The following STMP1 variants were observed in gnomAD, a reference collection of about 807,000 sequenced individuals.
STMP1 encodes the protein mitolamban.
In STMP1, 7 loss-of-function variants were observed where a neutral mutation model predicts 7.0. That is an observed-to-expected ratio of 1.01 (90% CI 0.57 to 1.89). The LOEUF (loss-of-function observed/expected upper bound fraction) is 1.89. Ranked by LOEUF, STMP1 falls within the 40% of genes most tolerant of loss-of-function variation. The pLI is 0.00. For synonymous variants in STMP1, 19 were observed against 18.4 expected (o/e 1.03, Z -0.08); for missense variants, 45 against 53.0 (o/e 0.85, Z 0.47).
rs750301602 is a variant in STMP1 at position 135,662,554 on chromosome 7, C to G, written c.-26C>G. 226 of 1,546,282 alleles carry G rather than the reference C, an allele frequency of 1.5e-4. 4 individuals are homozygous for G. The South Asian group carries it at 2.6e-3, about 18-fold the overall frequency. ...CGCGGAGCTGCTGCAGTCCTTCGCGCCCTCCTCGCCCTCCCCACCGACATC... is the reference window on the plus strand; with the variant it reads ...CGCGGAGCTGCTGCAGTCCTTCGCGGCCTCCTCGCCCTCCCCACCGACATC... On this transcript the variant is annotated 5_prime_UTR_variant, in exon 1 of 3. Transcript: ENST00000507606.
intron 1 of STMP1, among the ~76,000 whole-genome samples, chr7:135,662,903 C>A (rs941314066): frequency 2.6e-5 from 4 of 152,242 alleles, no homozygotes; most frequent in African/African-American, 9.6e-5. Flanking sequence ...TGTATTAAAG[C>A]TTGTGTGGTC....
rs763309230 is a variant in STMP1, at chr7:135,662,543, A to G, written c.-37A>G. On this transcript the variant is annotated 5_prime_UTR_variant, in exon 1 of 3. Coordinates refer to ENST00000507606, the MANE Select transcript of STMP1 (RefSeq NM_001130929.2). ...TCGGACCGGCCCGCGGAGCTGCTGC[A>G]GTCCTTCGCGCCCTCCTCGCCCTCC... 3.3e-5 allele frequency: 51 copies of G among 1,543,066 alleles called. No homozygotes were observed. The highest frequency in any genetic ancestry group is 4.3e-5 in the Non-Finnish European group (49 of 1,143,976).
chr7:135,667,436 C>G (rs778233450), intron 1 of STMP1, among the ~76,000 whole-genome samples: 7 of 152,160 alleles, frequency 4.6e-5, no homozygotes, highest in Admixed American at 6.6e-5. Flanking sequence ...GGTAATTGAA[C>G]TCCTGACCTC....
Position 135,674,287 on chromosome 7 carries a change from AC to A in STMP1, c.*125del, listed in dbSNP as rs929117380. ...CCTCAGCACTTCTCTTCTTTGCTAGACCCTGTGTTTTTTGCTTTAAAGCAAG... is the reference window on the plus strand; with the variant it reads ...CCTCAGCACTTCTCTTCTTTGCTAGACCTGTGTTTTTTGCTTTAAAGCAAG... On this transcript the variant is annotated 3_prime_UTR_variant, in exon 3 of 3. Coordinates refer to ENST00000507606, the MANE Select transcript of STMP1 (RefSeq NM_001130929.2). 2 of 774,034 alleles carry A rather than the reference AC, an allele frequency of 2.6e-6. No homozygotes were observed. The highest frequency in any genetic ancestry group is 4.0e-6 in the Non-Finnish European group (2 of 497,368). The allele number at this position is 774,034 out of a possible 1,614,324, so 47.9% of individuals were successfully genotyped here.
chr7:135,670,204 G>T (rs1336931635), intron 1 of STMP1, among the ~76,000 whole-genome samples: 1 of 152,214 alleles, frequency 6.6e-6, no homozygotes, highest in Non-Finnish European at 1.5e-5. Flanking sequence ...GAGAGGGTGT[G>T]ATAGTAATGC....
chr7:135,664,956 G>A (rs549155040), intron 1 of STMP1, among the ~76,000 whole-genome samples: 43 of 152,270 alleles, frequency 2.8e-4, no homozygotes, highest in Non-Finnish European at 2.6e-4. Context: ...CTGTGGTAGC[G>A]TGGGTGGGCT....
rs952032029 is a variant in STMP1 at position 135,674,110 on chromosome 7, A to T, written c.89A>T (p.Lys30Ile). ...TCAAAGATACCAAACCTGGCTAAAA[A>T]ACTTGAAGAAATTAAAAAGGACTTG... ...QNYDIPNLAK[K>I]LEEIKKDLDA... Residue 30 changes from lysine to isoleucine, a missense_variant, in exon 3 of 3, where the codon AAA becomes ATA. Transcript: ENST00000507606. 1 of 1,550,732 alleles carries T rather than the reference A, an allele frequency of 6.4e-7. No homozygotes were observed. Among genetic ancestry groups the T allele is most frequent in the African/African-American group, 1.4e-5 (1 of 72,984 alleles).
chr7:135,662,737 T>A (rs1795247906), intron 1 of STMP1, 143 bp downstream of exon 1: 1 of 938,018 alleles, frequency 1.1e-6, no homozygotes, highest in African/African-American at 1.7e-5. Context: ...GGTCGTCGCC[T>A]CGCAGGGCGG....
intron 2 of STMP1, among the ~76,000 whole-genome samples, chr7:135,673,497 A>T (rs1466587555): frequency 1.3e-5 from 2 of 151,798 alleles, no homozygotes; most frequent in Non-Finnish European, 2.9e-5. Context: ...AGGCTACATT[A>T]TGTCACATTT....
chr7:135,673,975 G>C, intron 2 of STMP1, 116 bp from the exon 3 acceptor site: 2 of 689,482 alleles, frequency 2.9e-6, no homozygotes, highest in Non-Finnish European at 5.0e-6. Flanking sequence ...CTATTTAGCA[G>C]ATCTCTTTTG....
chr7:135,669,024 G>A (rs1484703621), intron 1 of STMP1, among the ~76,000 whole-genome samples: 2 of 152,242 alleles, frequency 1.3e-5, no homozygotes, highest in African/African-American at 2.4e-5. Context: ...GCAAGGAGGA[G>A]CAAGTAACGT....
At chr7:135,673,631 T>G (rs1342741172) in intron 2 of STMP1, among the ~76,000 whole-genome samples, 1 of 152,152 alleles carries the variant, frequency 6.6e-6, no homozygotes, top group African/African-American at 2.4e-5. Flanking sequence ...TCACATGCAG[T>G]TATAAGGCTA....
chr7:135,662,514 AG>A lies in STMP1; in HGVS notation c.-64del. 6.7e-7 allele frequency: 1 copy of A among 1,498,686 alleles called. No individual in the cohort carries two copies. Among genetic ancestry groups the A allele is most frequent in the South Asian group, 1.2e-5 (1 of 81,492 alleles). The allele number at this position is 1,498,686 out of a possible 1,614,324, so 92.8% of individuals were successfully genotyped here. A position where few individuals can be genotyped will look rare whatever the true frequency, so the allele number is the denominator to read the frequency against. ...CCGCCCCCCCCGCGCATGGGGAGGTAGGCTCGGACCGGCCCGCGGAGCTGCT... is the reference window on the plus strand; with the variant it reads ...CCGCCCCCCCCGCGCATGGGGAGGTAGCTCGGACCGGCCCGCGGAGCTGCT... On this transcript the variant is annotated 5_prime_UTR_variant, in exon 1 of 3. Transcript: ENST00000507606.
chr7:135,663,619 C>G (rs1037453270), intron 1 of STMP1, among the ~76,000 whole-genome samples: 1 of 152,146 alleles, frequency 6.6e-6, no homozygotes, highest in Non-Finnish European at 1.5e-5. Context: ...GCTGGGATTA[C>G]AGGCGTGAGC....
intron 1 of STMP1, among the ~76,000 whole-genome samples, chr7:135,670,174 A>G (rs1418644856): frequency 1.3e-5 from 2 of 152,164 alleles, no homozygotes; most frequent in East Asian, 3.9e-4. Context: ...TCATACCCCT[A>G]AAGTCTCAAA....
At chr7:135,664,500 C>T (rs557825845) in intron 1 of STMP1, among the ~76,000 whole-genome samples, 17 of 151,824 alleles carry the variant, frequency 1.1e-4, no homozygotes, top group South Asian at 8.3e-4. Flanking sequence ...ACTACAGGCC[C>T]GCACTACCAC....
At chr7:135,664,053 A>C (rs1177571154) in intron 1 of STMP1, among the ~76,000 whole-genome samples, 2 of 152,114 alleles carry the variant, frequency 1.3e-5, no homozygotes, top group Non-Finnish European at 2.9e-5. Flanking sequence ...GAGTGTCCTT[A>C]ATCTGCCCAG....
chr7:135,663,944 C>T (rs1398534545), intron 1 of STMP1, among the ~76,000 whole-genome samples: 1 of 152,342 alleles, frequency 6.6e-6, no homozygotes, highest in Middle Eastern at 3.4e-3. Flanking sequence ...GCGCCCGGCC[C>T]CAAATGCTGT....
At chr7:135,666,841 G>A (rs1795299681) in intron 1 of STMP1, among the ~76,000 whole-genome samples, 1 of 152,186 alleles carries the variant, frequency 6.6e-6, no homozygotes, top group Non-Finnish European at 1.5e-5. Context: ...TTGTATACAG[G>A]CTTTTGTGTG....
Sources: gnomAD v4.1 joint callset for allele counts (sites outside exome capture counted in the v4.1 genomes callset) on GRCh38, gnomAD v4.1.1 for gene constraint, MANE v1.5 for transcripts, NCBI Gene and HGNC (gene_info 2026-07-23, HGNC 2026-07-21) for gene names.